Variants in RCAN2 observed in about 807,000 individuals in gnomAD.
RCAN2 encodes the protein regulator of calcineurin 2, also known as calcipressin-2.
Under a neutral mutation model 23.6 loss-of-function variants are expected in RCAN2, and 9 were observed. The ratio of observed to expected loss-of-function variants is 0.38; its 90% CI spans 0.23 to 0.67. The LOEUF (loss-of-function observed/expected upper bound fraction) is 0.67. Ranked by LOEUF, RCAN2 falls within the 30% of genes least tolerant of loss-of-function variation. RCAN2 has a pLI of 0.51. For synonymous variants in RCAN2, 109 were observed against 115.7 expected, an observed-to-expected ratio of 0.94 and a Z score of 0.37; for missense variants, 273 against 302.3, an observed-to-expected ratio of 0.90 and a Z score of 0.72.
intron 2 of RCAN2, among the ~76,000 whole-genome samples, chr6:46,391,310 A>G (rs141762597): frequency 6.6e-6 from 1 of 152,314 alleles, no homozygotes; most frequent in Non-Finnish European, 1.5e-5. Flanking sequence ...GAAGATTGAG[A>G]TCATGAAAGC....
At chr6:46,358,299 G>T (rs914876462) in intron 2 of RCAN2, among the ~76,000 whole-genome samples, 1 of 152,142 alleles carries the variant, frequency 6.6e-6, no homozygotes, top group African/African-American at 2.4e-5. Flanking sequence ...CATGCTGGAG[G>T]CCTCCTGCTC....
At chr6:46,314,067 C>T (rs1378981433) in intron 2 of RCAN2, among the ~76,000 whole-genome samples, 2 of 151,932 alleles carry the variant, frequency 1.3e-5, no homozygotes, top group Admixed American at 1.3e-4. Context: ...ATTATGGGTA[C>T]ACCATACCCA....
In RCAN2 at chr6:46,444,260, C is replaced by G. The variant is rs948686030; in HGVS notation, c.225+12492G>C. Among the ~76,000 whole-genome samples, 16 of 152,042 alleles carry G rather than the reference C, an allele frequency of 1.1e-4. 1 individual carries two copies. The highest frequency in any genetic ancestry group is 3.6e-4 in the African/African-American group (15 of 41,400). ...GTGGGCTAGGAGGCTCTCCTATAGA[C>G]CCAGAGCAGACCATTAGTGAGGAGC... On this transcript the variant is annotated intron_variant, in intron 2 of 4. Transcript: ENST00000371374.
chr6:46,462,564 T>C (rs1355235128), intron 1 of RCAN2, among the ~76,000 whole-genome samples: 1 of 152,218 alleles, frequency 6.6e-6, no homozygotes, highest in Admixed American at 6.5e-5. Flanking sequence ...CATAAAGATA[T>C]CTGTTCAACA....
intron 2 of RCAN2, among the ~76,000 whole-genome samples, chr6:46,370,538 G>A (rs563372168): frequency 4.7e-4 from 71 of 152,256 alleles, no homozygotes; most frequent in African/African-American, 1.4e-3. Context: ...TTGCATTTCC[G>A]TGTGACTTCT....
At chr6:46,432,513 T>C (rs2150417769) in intron 2 of RCAN2, among the ~76,000 whole-genome samples, 1 of 152,260 alleles carries the variant, frequency 6.6e-6, no homozygotes, top group African/African-American at 2.4e-5. Context: ...ACACCCGGCC[T>C]ATCTTTAGCT....
intron 2 of RCAN2, among the ~76,000 whole-genome samples, chr6:46,444,987 C>A (rs1767660779): frequency 6.6e-6 from 1 of 152,192 alleles, no homozygotes; most frequent in African/African-American, 2.4e-5. Flanking sequence ...GTTCCAGTGT[C>A]CCCGGGCTCC....
chr6:46,387,608 T>C (rs1287429444), intron 2 of RCAN2, among the ~76,000 whole-genome samples: 2 of 152,120 alleles, frequency 1.3e-5, no homozygotes, highest in South Asian at 2.1e-4. Context: ...AAACAACAGG[T>C]GCTGGAGAGG....
intron 1 of RCAN2, among the ~76,000 whole-genome samples, chr6:46,477,371 G>C (rs1262368830): frequency 6.6e-6 from 1 of 152,044 alleles, no homozygotes; most frequent in Non-Finnish European, 1.5e-5. Context: ...AACATTTTTG[G>C]GTAACACATA....
intron 2 of RCAN2, among the ~76,000 whole-genome samples, chr6:46,351,346 C>T (rs571355024): frequency 9.2e-5 from 14 of 152,322 alleles, no homozygotes; most frequent in African/African-American, 3.4e-4. Flanking sequence ...CATATAAAAC[C>T]TGTTAATGAT....
In RCAN2 at chr6:46,491,447, T is replaced by C. The variant is rs1353895425; in HGVS notation, c.-277A>G. The C allele has an allele frequency of 2.0e-5, 3 of 152,094 alleles. No homozygotes were observed. The highest frequency in any genetic ancestry group is 7.3e-5 in the African/African-American group (3 of 41,338). 9.4% of individuals were successfully genotyped at this position (152,094 alleles called of 1,614,324 possible). ...CCGCCGTCACCCGGGACAAAGCGGCTCCAGGGAGGGGCTGAGCCGGCGGCT... is the reference window on the plus strand; with the variant it reads ...CCGCCGTCACCCGGGACAAAGCGGCCCCAGGGAGGGGCTGAGCCGGCGGCT... On this transcript the variant is annotated 5_prime_UTR_variant, in exon 1 of 5. Transcript: ENST00000371374.
chr6:46,236,051 G>A (rs1207950232), intron 4 of RCAN2, among the ~76,000 whole-genome samples: 1 of 152,190 alleles, frequency 6.6e-6, no homozygotes, highest in Non-Finnish European at 1.5e-5. Flanking sequence ...CAAGATGCAT[G>A]CTATGATTAT....
chr6:46,238,459 TA>T (rs1766185532), intron 4 of RCAN2, among the ~76,000 whole-genome samples: 1 of 152,216 alleles, frequency 6.6e-6, no homozygotes, highest in East Asian at 1.9e-4. Flanking sequence ...CCAAGGATGC[TA>T]AATGTACTGC....
In RCAN2 at chr6:46,243,119, T is replaced by C. The variant is rs111697134; in HGVS notation, c.571+3629A>G. ...GGTTGGGAAGGGGGCAGAGACGCGATGTGGGGGAGGATGCCATGGGGAGGA... is the reference window on the plus strand; with the variant it reads ...GGTTGGGAAGGGGGCAGAGACGCGACGTGGGGGAGGATGCCATGGGGAGGA... On this transcript the variant is annotated intron_variant, in intron 4 of 4. Coordinates refer to ENST00000371374, the MANE Select transcript of RCAN2 (RefSeq NM_001251974.2). Among the ~76,000 whole-genome samples the C allele has an allele frequency of 3.4e-3, 525 of 152,200 alleles. 4 individuals are homozygous for C. The highest frequency in any genetic ancestry group is 0.012 in the African/African-American group (509 of 41,542).
At chr6:46,410,110 C>T (rs1165454947) in intron 2 of RCAN2, among the ~76,000 whole-genome samples, 1 of 152,088 alleles carries the variant, frequency 6.6e-6, no homozygotes, top group East Asian at 1.9e-4. Context: ...GGTATTTGCA[C>T]CAGTGACCCT....
At chr6:46,250,998 T>G (rs1310810347) in intron 2 of RCAN2, among the ~76,000 whole-genome samples, 1 of 152,190 alleles carries the variant, frequency 6.6e-6, no homozygotes, top group African/African-American at 2.4e-5. Context: ...GCCCACACTC[T>G]TCTCTTTTAT....
At chr6:46,356,054 C>T (rs186410646) in intron 2 of RCAN2, among the ~76,000 whole-genome samples, 8 of 152,258 alleles carry the variant, frequency 5.3e-5, no homozygotes, top group Admixed American at 2.6e-4. Flanking sequence ...GACACAGACA[C>T]AGACACAGAC....
intron 2 of RCAN2, among the ~76,000 whole-genome samples, chr6:46,322,942 C>T (rs144755842): frequency 4.5e-4 from 69 of 152,298 alleles, no homozygotes; most frequent in Non-Finnish European, 9.4e-4. Flanking sequence ...TTTGGCCCAC[C>T]TTAATTTGTT....
chr6:46,253,854 A>C (rs1006257226), intron 2 of RCAN2, among the ~76,000 whole-genome samples: 6 of 152,300 alleles, frequency 3.9e-5, no homozygotes, highest in African/African-American at 1.4e-4. Flanking sequence ...TTATGTGTAA[A>C]AATTGCCTAC....
Sources: allele counts gnomAD v4.1 joint callset (sites outside exome capture counted in the v4.1 genomes callset), GRCh38; gene constraint gnomAD v4.1.1; transcripts MANE v1.5; gene names NCBI Gene and HGNC (gene_info 2026-07-23, HGNC 2026-07-21).